The following DRICH1 variants were observed in gnomAD, a reference collection of about 807,000 sequenced individuals.
The protein encoded by DRICH1 is aspartate rich 1.
In DRICH1, 38 loss-of-function variants were observed where a neutral mutation model predicts 39.5. The ratio of observed to expected loss-of-function variants is 0.96; its 90% CI spans 0.74 to 1.26. The LOEUF (loss-of-function observed/expected upper bound fraction) is 1.26. Ranked by LOEUF, DRICH1 falls within the 50% of genes most tolerant of loss-of-function variation. The probability of loss-of-function intolerance (pLI) is 0.00; values close to 1 mark genes in which losing one functional copy is unlikely to be tolerated. For missense variants in DRICH1, 279 were observed against 270.4 expected (o/e 1.03, Z -0.22); for synonymous variants, 84 against 99.5 (o/e 0.84, Z 0.93).
At chr22:23,613,264 T>C (rs1384869064) in intron 11 of DRICH1, 25 bp downstream of exon 11, 6 of 1,601,894 alleles carry the variant, frequency 3.7e-6, no homozygotes, top group African/African-American at 1.3e-5. Context: ...TCCCATTGGG[T>C]TTTTGCTGGC....
At chr22:23,596,681 T>C in the DRICH1 span, among the ~76,000 whole-genome samples, 87 of 152,356 alleles carry the variant, frequency 5.7e-4, no homozygotes, top group Non-Finnish European at 9.7e-4. Context: ...ATTCCTGAAT[T>C]CAGATTGCCT....
Position 23,625,009 on chromosome 22 carries a change from A to G in DRICH1, c.277-105T>C. 6.2e-6 allele frequency: 8 copies of G among 1,300,224 alleles called. No homozygotes were observed. The South Asian group carries it at 8.8e-5, about 14-fold the overall frequency. 80.5% of individuals were successfully genotyped at this position (1,300,224 alleles called of 1,614,324 possible). A position where few individuals can be genotyped will look rare whatever the true frequency, so the allele number is the denominator to read the frequency against. ...ATGACTTCAGAAAACTACTTTTGAA[A>G]CAGTGGTTGAGTCCATGTCAAAGAC... On this transcript the variant is annotated intron_variant, in intron 2 of 11. Coordinates refer to ENST00000317749, the MANE Select transcript of DRICH1 (RefSeq NM_016449.4).
In DRICH1 at chr22:23,616,949, T is replaced by A. The variant is rs1927390420; in HGVS notation, c.520-75A>T. The A allele has an allele frequency of 2.6e-6, 4 of 1,535,816 alleles. No individual in the cohort carries two copies. In the Admixed American group the frequency reaches 6.9e-5, roughly 27 times the overall value. ...CACCCCTTACACAGATCTGTTAGTC[T>A]CTTGATGACTTCACAAAACTATTTG... On this transcript the variant is annotated intron_variant, in intron 7 of 11. Coordinates refer to ENST00000317749, the MANE Select transcript of DRICH1 (RefSeq NM_016449.4).
intron 1 of DRICH1, among the ~76,000 whole-genome samples, chr22:23,628,327 G>A (rs922650235): frequency 1.3e-5 from 2 of 152,228 alleles, no homozygotes; most frequent in Non-Finnish European, 2.9e-5. Flanking sequence ...AGAACTTTGG[G>A]AGGCCGAGGT....
downstream of DRICH1, among the ~76,000 whole-genome samples, chr22:23,605,354 A>T (rs1300446923): frequency 6.6e-6 from 1 of 152,032 alleles, no homozygotes; most frequent in African/African-American, 2.4e-5. Context: ...GTGTAGGCTT[A>T]GGTTTCCTAG....
intron 1 of DRICH1, among the ~76,000 whole-genome samples, chr22:23,631,451 A>T (rs1928381108): frequency 6.6e-6 from 1 of 151,780 alleles, no homozygotes; most frequent in Non-Finnish European, 1.5e-5. Flanking sequence ...AATAATAAAT[A>T]AAATTTACAA....
chr22:23,632,183 A>T lies in DRICH1; in HGVS notation c.-160T>A. 1 of 1,185,988 alleles carries T rather than the reference A, an allele frequency of 8.4e-7. No individual in the cohort carries two copies. The highest frequency in any genetic ancestry group is 1.2e-6 in the Non-Finnish European group (1 of 860,464). The allele number at this position is 1,185,988 out of a possible 1,614,324, so 73.5% of individuals were successfully genotyped here. On this transcript the variant is annotated 5_prime_UTR_variant, in exon 1 of 12. Transcript: ENST00000317749. Reference sequence around the variant, plus strand: ...AGCCCTTATTCTGCCGCCACCTCCCAAACTAGCTGGTCTATGAGGTCAGGG... The same window carrying T: ...AGCCCTTATTCTGCCGCCACCTCCCTAACTAGCTGGTCTATGAGGTCAGGG...
chr22:23,612,065 T>C (rs537126497), intron 11 of DRICH1, among the ~76,000 whole-genome samples: 1 of 152,306 alleles, frequency 6.6e-6, no homozygotes, highest in Non-Finnish European at 1.5e-5. Flanking sequence ...ATGAAAGATA[T>C]GCCCCCTTCT....
chr22:23,619,476 C>G, intron 5 of DRICH1, 83 bp from the exon 6 acceptor site: 1 of 758,142 alleles, frequency 1.3e-6, no homozygotes, highest in Non-Finnish European at 2.5e-6. Flanking sequence ...TGAAAAAGAA[C>G]AGTGTTGGAG....
chr22:23,590,756 G>A, the DRICH1 span, among the ~76,000 whole-genome samples: 1 of 151,908 alleles, frequency 6.6e-6, no homozygotes, highest in Non-Finnish European at 1.5e-5. Context: ...GCACCACCAC[G>A]CCCGGATATA....
chr22:23,595,184 T>C, the DRICH1 span, among the ~76,000 whole-genome samples: 1 of 143,036 alleles, frequency 7.0e-6, no homozygotes, highest in African/African-American at 2.6e-5. Context: ...GTAGATGAAA[T>C]AGTTTAATGA....
At chr22:23,619,706 A>G (rs1927598280) in intron 5 of DRICH1, among the ~76,000 whole-genome samples, 1 of 151,820 alleles carries the variant, frequency 6.6e-6, no homozygotes, top group African/African-American at 2.4e-5. Context: ...TCACATGAAA[A>G]AACAGAATGC....
chr22:23,620,593 C>T lies in DRICH1; in HGVS notation c.406+1G>A, dbSNP rs1296597129. The T allele has an allele frequency of 3.1e-6, 5 of 1,613,716 alleles. No individual in the cohort carries two copies. In the South Asian group the frequency reaches 4.4e-5, roughly 14 times the overall value. On this transcript the variant is annotated splice_donor_variant, in intron 5 of 11. Transcript: ENST00000317749. LOFTEE classifies it high-confidence loss of function. Reference sequence around the variant, plus strand: ...AAAGTGAGTTAGTTCAAGGTACATACCCTGGACACGTGACGGTAAAATCTG... The same window carrying T: ...AAAGTGAGTTAGTTCAAGGTACATATCCTGGACACGTGACGGTAAAATCTG...
At chr22:23,583,838 G>C in the DRICH1 span, 1 of 152,430 alleles carries the variant, frequency 6.6e-6, no homozygotes, top group African/African-American at 2.4e-5. Context: ...CCTGCACTGG[G>C]GGTCTGGGCT....
chr22:23,592,675 A>C, the DRICH1 span, among the ~76,000 whole-genome samples: 1 of 152,082 alleles, frequency 6.6e-6, no homozygotes, highest in African/African-American at 2.4e-5. Flanking sequence ...GCGGGCCACT[A>C]ATAGAAGGGA....
downstream of DRICH1, among the ~76,000 whole-genome samples, chr22:23,607,802 G>A (rs1224615386): frequency 1.3e-5 from 2 of 152,166 alleles, no homozygotes; most frequent in African/African-American, 4.8e-5. Context: ...ATCCTCCTAT[G>A]TCCACTGTGA....
the DRICH1 span, among the ~76,000 whole-genome samples, chr22:23,596,324 G>A: frequency 6.6e-6 from 1 of 152,058 alleles, no homozygotes; most frequent in Non-Finnish European, 1.5e-5. Flanking sequence ...GCAGTGACAC[G>A]ATCACAGCTC....
chr22:23,606,626 T>C (rs969699340), downstream of DRICH1, among the ~76,000 whole-genome samples: 2 of 152,150 alleles, frequency 1.3e-5, no homozygotes, highest in African/African-American at 2.4e-5. Flanking sequence ...AAGCGGGGGC[T>C]TTCTTGGCTC....
At position 23,622,183 on chromosome 22, in the gene DRICH1, G is replaced by A. The variant is rs369455352; in HGVS notation, c.299-7C>T. 9 of 1,613,226 alleles carry A rather than the reference G, an allele frequency of 5.6e-6. No individual in the cohort carries two copies. The African/African-American group carries it at 1.1e-4, about 19-fold the overall frequency. Reference sequence around the variant, plus strand: ...AGGTTGTCCTCAGAAGAACCTGGAAGGACACAGAGGAAAGATCCGTGCCCT... The same window carrying A: ...AGGTTGTCCTCAGAAGAACCTGGAAAGACACAGAGGAAAGATCCGTGCCCT... On this transcript the variant is annotated splice_polypyrimidine_tract_variant and splice_region_variant and intron_variant, in intron 3 of 11. Coordinates refer to ENST00000317749, the MANE Select transcript of DRICH1 (RefSeq NM_016449.4).
Sources: allele counts gnomAD v4.1 joint callset (sites outside exome capture counted in the v4.1 genomes callset), GRCh38; gene constraint gnomAD v4.1.1; transcripts MANE v1.5; gene names NCBI Gene and HGNC (gene_info 2026-07-23, HGNC 2026-07-21).